CDH13: variants seen among roughly 807,000 people sequenced by gnomAD.
CDH13 encodes cadherin 13, also known as cadherin-13.
Under a neutral mutation model 63.8 loss-of-function variants are expected in CDH13, and 24 were observed. The ratio of observed to expected loss-of-function variants is 0.38; its 90% CI spans 0.27 to 0.53. The LOEUF is 0.53. Ranked by LOEUF, CDH13 falls within the 20% of genes least tolerant of loss-of-function variation. The pLI is 0.85. For missense variants in CDH13, 1,049 were observed against 903.1 expected, an observed-to-expected ratio of 1.16 and a Z score of -2.07; for synonymous variants, 503 against 355.3, an observed-to-expected ratio of 1.42 and a Z score of -4.67.
chr16:83,764,261 C>A (rs890906649), intron 11 of CDH13, among the ~76,000 whole-genome samples: 2 of 152,108 alleles, frequency 1.3e-5, no homozygotes, highest in African/African-American at 4.8e-5. Context: ...GACCCCCCCA[C>A]TTGGACAAGG....
chr16:83,073,377 G>GAGAGAGAGAA (rs56999917), intron 3 of CDH13, among the ~76,000 whole-genome samples: 18 of 147,290 alleles, frequency 1.2e-4, no homozygotes, highest in Non-Finnish European at 2.4e-4. Flanking sequence ...GAGAGAGAGA[G>GAGAGAGAGAA]CTTTCTTAAT....
chr16:83,711,798 G>A (rs1182818144), intron 10 of CDH13, among the ~76,000 whole-genome samples: 5 of 152,372 alleles, frequency 3.3e-5, no homozygotes, highest in Middle Eastern at 3.4e-3. Context: ...TTACAGGCGT[G>A]AGCCACCACA....
At chr16:83,145,248 G>A (rs948082619) in intron 4 of CDH13, among the ~76,000 whole-genome samples, 1 of 152,186 alleles carries the variant, frequency 6.6e-6, no homozygotes. Context: ...CGGAGCAGGG[G>A]TGACACCAAC....
chr16:83,667,128 G>GATGT (rs755069072), intron 8 of CDH13, among the ~76,000 whole-genome samples: 9,551 of 147,200 alleles, frequency 0.065, 452 homozygotes, highest in African/African-American at 0.14. Context: ...TGGATGGATG[G>GATGT]ATAAATAGAT....
intron 3 of CDH13, among the ~76,000 whole-genome samples, chr16:83,071,977 C>G (rs1483081716): frequency 6.6e-6 from 1 of 152,002 alleles, no homozygotes. Context: ...TAATTTAAAG[C>G]ACATATGCAA....
intron 2 of CDH13, among the ~76,000 whole-genome samples, chr16:82,885,750 A>G (rs1006266820): frequency 6.6e-6 from 1 of 152,172 alleles, no homozygotes; most frequent in African/African-American, 2.4e-5. Flanking sequence ...TTCTGTCTGT[A>G]TGTATCATGC....
chr16:82,986,956 G>C (rs192973292), intron 2 of CDH13, among the ~76,000 whole-genome samples: 1 of 152,296 alleles, frequency 6.6e-6, no homozygotes, highest in East Asian at 1.9e-4. Flanking sequence ...GAAAACATGT[G>C]AGGAAACACT....
At chr16:83,411,579 T>A (rs2092126648) in intron 6 of CDH13, among the ~76,000 whole-genome samples, 1 of 152,226 alleles carries the variant, frequency 6.6e-6, no homozygotes, top group Non-Finnish European at 1.5e-5. Context: ...ACACTACCAT[T>A]CATTTGGCAC....
chr16:83,370,848 A>G (rs953984015), intron 6 of CDH13, among the ~76,000 whole-genome samples: 1 of 152,180 alleles, frequency 6.6e-6, no homozygotes, highest in Non-Finnish European at 1.5e-5. Context: ...TATATGTACC[A>G]TATTTCTTTA....
At chr16:83,511,504 C>G (rs1391540519) in intron 7 of CDH13, among the ~76,000 whole-genome samples, 1 of 151,930 alleles carries the variant, frequency 6.6e-6, no homozygotes, top group African/African-American at 2.4e-5. Flanking sequence ...CATATACACT[C>G]ACACACTCGC....
intron 1 of CDH13, among the ~76,000 whole-genome samples, chr16:82,833,055 C>T (rs1043367682): frequency 2.6e-5 from 4 of 152,152 alleles, no homozygotes; most frequent in African/African-American, 7.2e-5. Context: ...CCTTTTTACC[C>T]TGAAATGAGT....
intron 5 of CDH13, among the ~76,000 whole-genome samples, chr16:83,282,749 C>A (rs1231936241): frequency 6.6e-6 from 1 of 152,148 alleles, no homozygotes; most frequent in Non-Finnish European, 1.5e-5. Flanking sequence ...TCCAGCAAAC[C>A]TGGACACCTT....
chr16:83,655,762 A>T (rs1325241269), intron 8 of CDH13, among the ~76,000 whole-genome samples: 2 of 152,340 alleles, frequency 1.3e-5, no homozygotes, highest in African/African-American at 4.8e-5. Context: ...GGCATGTAGC[A>T]GGTGTTCAGT....
chr16:82,748,080 G>A (rs768399771), intron 1 of CDH13, among the ~76,000 whole-genome samples: 42 of 152,248 alleles, frequency 2.8e-4, no homozygotes, highest in African/African-American at 8.2e-4. Context: ...CTTCTTGCTT[G>A]TTCTCTTTGC....
chr16:82,772,513 T>G (rs1481058644), intron 1 of CDH13, among the ~76,000 whole-genome samples: 1 of 152,154 alleles, frequency 6.6e-6, no homozygotes, highest in Admixed American at 6.5e-5. Flanking sequence ...GAGCAAGGTC[T>G]CTCAACCTGA....
chr16:82,898,849 G>C (rs1392161771), intron 2 of CDH13, among the ~76,000 whole-genome samples: 1 of 152,222 alleles, frequency 6.6e-6, no homozygotes, highest in African/African-American at 2.4e-5. Flanking sequence ...AGGAAACAGA[G>C]TCTGAGCTGC....
intron 7 of CDH13, among the ~76,000 whole-genome samples, chr16:83,584,304 G>A (rs1463090732): frequency 3.9e-5 from 6 of 152,158 alleles, no homozygotes; most frequent in Admixed American, 1.3e-4. Context: ...ACTCCAGCCC[G>A]GGCAATAGAG....
chr16:83,334,859 GTGA>G (rs2090559919), intron 5 of CDH13, among the ~76,000 whole-genome samples: 3 of 152,094 alleles, frequency 2.0e-5, no homozygotes, highest in Admixed American at 1.3e-4. Context: ...CCCACACATC[GTGA>G]TGATCTAATT....
chr16:82,910,520 C>T (rs1161388093), intron 2 of CDH13, among the ~76,000 whole-genome samples: 1 of 152,106 alleles, frequency 6.6e-6, no homozygotes, highest in Non-Finnish European at 1.5e-5. Context: ...ACCTTGAACT[C>T]CCTGGAGTCA....
Sources: gnomAD v4.1 joint callset for allele counts (sites outside exome capture counted in the v4.1 genomes callset) on GRCh38, gnomAD v4.1.1 for gene constraint, MANE v1.5 for transcripts, NCBI Gene and HGNC (gene_info 2026-07-23, HGNC 2026-07-21) for gene names.